ZAN: variants seen among roughly 807,000 people sequenced by gnomAD.
The protein encoded by ZAN is zonadhesin (gene/pseudogene).
ZAN carries 260 observed loss-of-function variants against 286.2 expected under a neutral mutation model. The ratio of observed to expected loss-of-function variants is 0.91; its 90% CI spans 0.82 to 1.01. The LOEUF is 1.01. Ranked by LOEUF, ZAN falls within the 50% of genes least tolerant of loss-of-function variation. The pLI is 0.00. For synonymous variants in ZAN, 1,368 were observed against 1,417.5 expected (o/e 0.97, Z 0.79); for missense variants, 3,410 against 3,639.2 (o/e 0.94, Z 1.62).
chr7:100,773,407 T>C lies in ZAN; in HGVS notation c.5548T>C (p.Cys1850Arg), dbSNP rs770800706. ...ACTGCCCTGTGCTGAGAGCTGTGAA[T>C]GTCAGAAAGGCCACATCTTGAGTGG... ...KALPCAESCECQKGHILSGTS... is the reference protein window; with the variant it reads ...KALPCAESCERQKGHILSGTS... The change falls in exon 30 of 48, where the codon TGT (cysteine) becomes CGT (arginine). Residue 1850 changes from cysteine to arginine, a missense_variant. By Grantham distance (180) the Cys-to-Arg change is radical (BLOSUM62 -3). This residue lies in a region of ZAN where 1,289 missense variants were observed against 1,314.3 expected (regional missense o/e 0.98). Transcript: ENST00000613979. 5 of 1,613,868 alleles carry C rather than the reference T, an allele frequency of 3.1e-6. No individual in the cohort carries two copies. Among genetic ancestry groups the C allele is most frequent in the African/African-American group, 1.3e-5 (1 of 74,944 alleles).
chr7:100,787,006 G>T (rs889850739), intron 37 of ZAN, among the ~76,000 whole-genome samples: 1 of 151,998 alleles, frequency 6.6e-6, no homozygotes, highest in African/African-American at 2.4e-5. Context: ...AGGCTGCAGT[G>T]AGCTATGATT....
In ZAN at chr7:100,797,501, G is replaced by C. The variant is rs769967459; in HGVS notation, c.8366+36G>C. On this transcript the variant is annotated intron_variant, in intron 46 of 47. Transcript: ENST00000613979. ...GGAAGGAGAGAGGAAGGGCGGGTGG[G>C]GTGTGCAAACCGGGAAGCGGCTGGG... 30 of 1,613,758 alleles carry C rather than the reference G, an allele frequency of 1.9e-5. No homozygotes were observed. The East Asian group carries it at 6.7e-4, about 36-fold the overall frequency.
At chr7:100,755,557 C>T (rs1057492587) in intron 15 of ZAN, 147 bp downstream of exon 15, 39 of 893,914 alleles carry the variant, frequency 4.4e-5, no homozygotes, top group Admixed American at 9.1e-5. Flanking sequence ...TACATGATGG[C>T]GAAGTTATTC....
At chr7:100,791,294 A>G (rs548176588) in intron 40 of ZAN, among the ~76,000 whole-genome samples, 181 bp downstream of exon 40, 11 of 151,666 alleles carry the variant, frequency 7.3e-5, no homozygotes, top group Non-Finnish European at 1.5e-4. Context: ...CTCAATGGAA[A>G]TCTCTCTCTG....
At position 100,783,699 on chromosome 7, in the gene ZAN, G is replaced by A. The variant is rs796881089; in HGVS notation, c.6623-924G>A. On this transcript the variant is annotated intron_variant, in intron 35 of 47. Transcript: ENST00000613979. ...CAGTGAGCCAAGATCATTCCTGGGTGTCAGAGAGAGACTCCGTCCCTGCCC... is the reference window on the plus strand; with the variant it reads ...CAGTGAGCCAAGATCATTCCTGGGTATCAGAGAGAGACTCCGTCCCTGCCC... Among the ~76,000 whole-genome samples, 63 of 117,908 alleles carry A rather than the reference G, an allele frequency of 5.3e-4. 1 individual carries two copies. Among genetic ancestry groups the A allele is most frequent in the African/African-American group, 1.9e-3 (58 of 31,132 alleles). The allele number at this position is 117,908 out of a possible 152,430, so 77.4% of individuals were successfully genotyped here.
chr7:100,758,455 C>T (rs910621430), intron 16 of ZAN, 76 bp from the exon 17 acceptor site: 28 of 1,556,916 alleles, frequency 1.8e-5, no homozygotes, highest in South Asian at 2.3e-5. Context: ...CACCGGGCAG[C>T]GGGTGGGCCA....
At chr7:100,736,300 T>C (rs1807286540) in intron 3 of ZAN, among the ~76,000 whole-genome samples, 183 bp from the exon 4 acceptor site, 1 of 141,888 alleles carries the variant, frequency 7.0e-6, no homozygotes, top group East Asian at 2.0e-4. Flanking sequence ...GCCTCCTGGG[T>C]TCAAGCGATT....
rs138055961 is a variant in ZAN, at chr7:100,756,638, T to C, written c.3309+1228T>C. On this transcript the variant is annotated intron_variant, in intron 15 of 47. Coordinates refer to ENST00000613979, the MANE Select transcript of ZAN (RefSeq NM_003386.3). ...GCCACAGCCTGGGCAGAAAGATCTG[T>C]CACAACCATTGGCACCAAGAAGCTC... Among the ~76,000 whole-genome samples the C allele has an allele frequency of 2.6e-3, 391 of 151,760 alleles. 2 individuals carry two copies. Among genetic ancestry groups the C allele is most frequent in the African/African-American group, 8.9e-3 (367 of 41,368 alleles).
intron 12 of ZAN, 95 bp downstream of exon 12, chr7:100,750,991 G>A (rs1808623616): frequency 6.7e-7 from 1 of 1,492,514 alleles, no homozygotes; most frequent in Non-Finnish European, 8.9e-7. Context: ...GTGGAAAGCT[G>A]GAAAGAGAGC....
intron 38 of ZAN, among the ~76,000 whole-genome samples, chr7:100,788,940 C>G (rs985050914): frequency 1.3e-5 from 2 of 152,102 alleles, no homozygotes; most frequent in African/African-American, 4.8e-5. Context: ...CTCAAGTGAT[C>G]CGCCCGACTC....
Position 100,734,188 on chromosome 7 carries a change from C to T in ZAN, c.20C>T (p.Thr7Ile). 1 of 1,459,142 alleles carries T rather than the reference C, an allele frequency of 6.9e-7. No individual in the cohort carries two copies. Among genetic ancestry groups the T allele is most frequent in the Non-Finnish European group, 9.3e-7 (1 of 1,073,388 alleles). The allele number at this position is 1,459,142 out of a possible 1,614,324, so 90.4% of individuals were successfully genotyped here. The change falls in exon 2 of 48, where the codon ACT becomes ATT. Residue 7 changes from threonine (T) to isoleucine (I), a missense_variant. By Grantham distance (89) the Thr-to-Ile change is moderately conservative. Around this residue, in one of 7 missense-constraint regions of ZAN, gnomAD observed 872 missense variants for 938.9 expected, o/e 0.93. Transcript: ENST00000613979. MVPPVW[T>I]LLLLVGAALF... ...GTCCTCATGGTTCCTCCAGTCTGGA[C>T]TCTGCTGCTTCTGGTGGGGGCTGCC...
At position 100,764,086 on chromosome 7, in the gene ZAN, G is replaced by A; in HGVS notation, c.4157G>A (p.Cys1386Tyr). 1.9e-6 allele frequency: 3 copies of A among 1,613,666 alleles called. No individual in the cohort carries two copies. Among genetic ancestry groups the A allele is most frequent in the Admixed American group, 1.7e-5 (1 of 59,964 alleles). Residue 1386 changes from cysteine (C) to tyrosine (Y), a missense_variant, in exon 22 of 48, where the codon TGC becomes TAC. Cys to Tyr is a radical substitution (Grantham distance 194). Around this residue, in one of 7 missense-constraint regions of ZAN, gnomAD observed 1,042 missense variants for 1,058.0 expected, o/e 0.98. Transcript: ENST00000613979. ...SFFDSCMLDM[C>Y]GFQGLQHLLC... ...TTCGACAGCTGCATGCTTGATATGT[G>A]CGGATTCCAGGGGCTGCAGCACCTG... is the stretch of plus-strand genomic sequence containing the variant.
At chr7:100,746,944 A>G (rs1187994763) in intron 8 of ZAN, among the ~76,000 whole-genome samples, 1 of 152,136 alleles carries the variant, frequency 6.6e-6, no homozygotes, top group African/African-American at 2.4e-5. Context: ...TACTAAAAAT[A>G]CAAAAATTAG....
rs59347418 is a variant in ZAN, at chr7:100,753,832, T to TAAA, written c.3124+624_3124+626dup. 9.3e-4 allele frequency among the ~76,000 whole-genome samples: 68 copies of TAAA among 73,160 alleles called. No individual in the cohort carries two copies. The East Asian group carries it at 0.023, about 24-fold the overall frequency. The allele number at this position is 73,160 out of a possible 152,430, so 48.0% of individuals were successfully genotyped here. A position where few individuals can be genotyped will look rare whatever the true frequency, so the allele number is the denominator to read the frequency against. ...TGGGCAACAGAGCAAGACATCGTCCTAAAAAAAAAAAAAAAAAAAAAAAGC... is the reference window on the plus strand; with the variant it reads ...TGGGCAACAGAGCAAGACATCGTCCTAAAAAAAAAAAAAAAAAAAAAAAAAAGC... On this transcript the variant is annotated intron_variant, in intron 14 of 47. Coordinates refer to ENST00000613979, the MANE Select transcript of ZAN (RefSeq NM_003386.3).
intron 19 of ZAN, 103 bp from the exon 20 acceptor site, chr7:100,762,112 C>A: frequency 6.9e-7 from 1 of 1,454,214 alleles, no homozygotes; most frequent in Non-Finnish European, 9.5e-7. Context: ...CCTCCTCACG[C>A]CCTCTGTTTT....
At chr7:100,761,059 C>A (rs1242162203) in intron 19 of ZAN, among the ~76,000 whole-genome samples, 1 of 152,068 alleles carries the variant, frequency 6.6e-6, no homozygotes, top group Non-Finnish European at 1.5e-5. Context: ...CCATGCCCAG[C>A]TAATTTTTGT....
chr7:100,797,170 G>A (rs926721425), intron 45 of ZAN, among the ~76,000 whole-genome samples, 196 bp from the exon 46 acceptor site: 1 of 152,018 alleles, frequency 6.6e-6, no homozygotes, highest in African/African-American at 2.4e-5. Context: ...AAAACATTGC[G>A]GGGGTTGGGG....
At chr7:100,787,012 T>C (rs1386968979) in intron 37 of ZAN, among the ~76,000 whole-genome samples, 2 of 151,892 alleles carry the variant, frequency 1.3e-5, no homozygotes, top group Non-Finnish European at 2.9e-5. Context: ...CAGTGAGCTA[T>C]GATTGTACCA....
Position 100,748,203 on chromosome 7 carries a change from G to A in ZAN, c.1090G>A (p.Ala364Thr), listed in dbSNP as rs1808364771. 1 of 1,613,908 alleles carries A rather than the reference G, an allele frequency of 6.2e-7. No individual in the cohort carries two copies. The highest frequency in any genetic ancestry group is 1.3e-5 in the African/African-American group (1 of 75,026). ...TGTGGCAGTTGATGCAACCAGCATT[G>A]CTCCTTGTGGGGGTGAGAGCAGGCC... ...PAVAVDATSI[A>T]PCGEGFPQCD... The change falls in exon 10 of 48, where the codon GCT (alanine) becomes ACT (threonine). Residue 364 changes from alanine to threonine, a missense_variant. By Grantham distance (58) the Ala-to-Thr change is moderately conservative (BLOSUM62 0). This residue lies in a region of ZAN where 872 missense variants were observed against 938.9 expected (regional missense o/e 0.93). Coordinates refer to ENST00000613979, the MANE Select transcript of ZAN (RefSeq NM_003386.3).
Sources: allele counts gnomAD v4.1 joint callset (sites outside exome capture counted in the v4.1 genomes callset), GRCh38; gene constraint gnomAD v4.1.1; regional missense constraint gnomAD v4.1.1; transcripts MANE v1.5; gene names NCBI Gene and HGNC (gene_info 2026-07-23, HGNC 2026-07-21).